The following LMBR1 variants were observed in gnomAD, a reference collection of about 807,000 sequenced individuals.
LMBR1 encodes limb development membrane protein 1, also known as limb region 1 protein homolog.
Under a neutral mutation model 73.9 loss-of-function variants are expected in LMBR1, and 52 were observed. That is an observed-to-expected ratio of 0.70 (90% CI 0.56 to 0.89). The LOEUF (loss-of-function observed/expected upper bound fraction) is 0.89, where lower values mean the gene tolerates loss of function less well. Ranked by LOEUF, LMBR1 falls within the 40% of genes least tolerant of loss-of-function variation. The probability of loss-of-function intolerance (pLI) is 0.00; values close to 1 mark genes in which losing one functional copy is unlikely to be tolerated. For missense variants in LMBR1, 539 were observed against 579.8 expected (o/e 0.93, Z 0.72); for synonymous variants, 215 against 209.4 (o/e 1.03, Z -0.23).
At chr7:156,690,046 C>A (rs1806840524) in intron 15 of LMBR1, among the ~76,000 whole-genome samples, 1 of 152,082 alleles carries the variant, frequency 6.6e-6, no homozygotes, top group Admixed American at 6.5e-5. Context: ...ACACAGACAC[C>A]CAAATTTTAC....
Position 156,796,373 on chromosome 7 carries a change from T to A in LMBR1, c.423+16A>T, listed in dbSNP as rs778189175. The A allele has an allele frequency of 6.5e-7, 1 of 1,545,278 alleles. No individual in the cohort carries two copies. Among genetic ancestry groups the A allele is most frequent in the Admixed American group, 1.8e-5 (1 of 55,132 alleles). On this transcript the variant is annotated intron_variant, in intron 5 of 16. Transcript: ENST00000353442. ...CCTCACTTAACCAATTTAATTCCAA[T>A]ACTAGATTCACTTACCTTTTTCAGG... is the stretch of plus-strand genomic sequence containing the variant.
intron 1 of LMBR1, among the ~76,000 whole-genome samples, chr7:156,871,201 A>T (rs1014410814): frequency 6.6e-6 from 1 of 152,186 alleles, no homozygotes; most frequent in Admixed American, 6.5e-5. Flanking sequence ...GAAATGAATA[A>T]ATTCCTAGAA....
At chr7:156,725,595 A>T in intron 13 of LMBR1, 70 bp from the exon 14 acceptor site, 1 of 1,292,552 alleles carries the variant, frequency 7.7e-7, no homozygotes, top group African/African-American at 1.5e-5. Flanking sequence ...GTCTCCAAAA[A>T]GTCTTAAGGC....
intron 9 of LMBR1, among the ~76,000 whole-genome samples, chr7:156,752,214 C>G (rs1821033863): frequency 6.6e-6 from 1 of 152,152 alleles, no homozygotes; most frequent in African/African-American, 2.4e-5. Flanking sequence ...TTTCATAGAA[C>G]AGTGGAAGCA....
At chr7:156,676,946 G>A (rs1378903108), downstream of LMBR1, 1 of 333,820 alleles carries the variant, frequency 3.0e-6, no homozygotes, top group Non-Finnish European at 5.6e-6. Context: ...GATATAGCTA[G>A]TGTCTGAACG....
intron 16 of LMBR1, 60 bp downstream of exon 16, chr7:156,687,970 C>T (rs1298066444): frequency 7.0e-7 from 1 of 1,418,630 alleles, no homozygotes; most frequent in African/African-American, 1.5e-5. Context: ...GTAATATTAA[C>T]TCAAATGTCA....
intron 15 of LMBR1, 134 bp downstream of exon 15, chr7:156,723,978 T>A: frequency 1.6e-6 from 1 of 631,230 alleles, no homozygotes; most frequent in East Asian, 2.8e-5. Flanking sequence ...AGTATAGAAG[T>A]AAAAGTGTAA....
intron 2 of LMBR1, among the ~76,000 whole-genome samples, chr7:156,836,334 G>T (rs11762776): frequency 0.1 from 15,654 of 152,106 alleles, 1,132 homozygotes; most frequent in East Asian, 0.29. Flanking sequence ...AAAGAGTAAA[G>T]ATATGGTAGT....
At chr7:156,757,711 T>A (rs1197472136) in intron 8 of LMBR1, among the ~76,000 whole-genome samples, 1 of 152,178 alleles carries the variant, frequency 6.6e-6, no homozygotes, top group East Asian at 1.9e-4. Flanking sequence ...CATATATACA[T>A]CTCCTTTCAG....
chr7:156,687,641 A>G (rs1038147065), intron 16 of LMBR1, among the ~76,000 whole-genome samples: 2 of 152,222 alleles, frequency 1.3e-5, no homozygotes, highest in African/African-American at 4.8e-5. Flanking sequence ...TCCAAGCCTC[A>G]AAAAAGCTTT....
In LMBR1 at chr7:156,704,071, G is replaced by A. The variant is rs1489574308; in HGVS notation, c.1226-15880C>T. Reference sequence around the variant, plus strand: ...TGCCACCCTGGGTTACAAGGGGGCTGAGGGCCCACTTACCCATTCAGCATA... The same window carrying A: ...TGCCACCCTGGGTTACAAGGGGGCTAAGGGCCCACTTACCCATTCAGCATA... On this transcript the variant is annotated intron_variant, in intron 15 of 16. Coordinates refer to ENST00000353442, the MANE Select transcript of LMBR1 (RefSeq NM_022458.4). Among the ~76,000 whole-genome samples, 3 of 152,106 alleles carry A rather than the reference G, an allele frequency of 2.0e-5. No individual in the cohort carries two copies. The East Asian group carries it at 5.8e-4, about 29-fold the overall frequency.
intron 4 of LMBR1, among the ~76,000 whole-genome samples, chr7:156,803,694 G>A (rs1172030513): frequency 2.0e-5 from 3 of 151,932 alleles, no homozygotes; most frequent in Admixed American, 1.3e-4. Flanking sequence ...ACATGCACAC[G>A]TATGTTTATT....
intron 5 of LMBR1, among the ~76,000 whole-genome samples, chr7:156,794,453 T>G (rs1213774349): frequency 6.6e-6 from 1 of 152,168 alleles, no homozygotes; most frequent in Non-Finnish European, 1.5e-5. Flanking sequence ...TTGTCATTTT[T>G]TTCTTTTTTA....
chr7:156,691,798 CT>C (rs1164018612), intron 15 of LMBR1, among the ~76,000 whole-genome samples: 1 of 151,938 alleles, frequency 6.6e-6, no homozygotes, highest in Non-Finnish European at 1.5e-5. Flanking sequence ...GATTAGCATA[CT>C]TTTTTCCTTC....
chr7:156,860,161 C>T (rs543305401), intron 1 of LMBR1, among the ~76,000 whole-genome samples: 9 of 152,220 alleles, frequency 5.9e-5, no homozygotes, highest in Middle Eastern at 3.4e-3. Flanking sequence ...TTCACACTGC[C>T]GATAAAGACA....
chr7:156,690,237 T>C lies in LMBR1; in HGVS notation c.1226-2046A>G, dbSNP rs77847101. Among the ~76,000 whole-genome samples the C allele has an allele frequency of 3.3e-3, 509 of 152,350 alleles. 6 individuals carry two copies. The highest frequency in any genetic ancestry group is 0.011 in the African/African-American group (473 of 41,578). On this transcript the variant is annotated intron_variant, in intron 15 of 16. Coordinates refer to ENST00000353442, the MANE Select transcript of LMBR1 (RefSeq NM_022458.4). The stretch of plus-strand genomic sequence containing the variant: ...TATTTAATTATTTATAAGCTACATA[T>C]ATACTATTCAATGACATATACAGAC...
At chr7:156,676,257 G>GTA (rs879194369), downstream of LMBR1, 7 of 1,430,384 alleles carry the variant, frequency 4.9e-6, no homozygotes, top group East Asian at 5.0e-5. Flanking sequence ...ATATATATAT[G>GTA]TATATATATA....
intron 7 of LMBR1, 68 bp downstream of exon 7, chr7:156,763,040 T>G (rs915108478): frequency 1.2e-6 from 1 of 816,578 alleles, no homozygotes; most frequent in African/African-American, 1.8e-5. Context: ...ATCAGAAAAC[T>G]TCCCTGAATT....
intron 4 of LMBR1, among the ~76,000 whole-genome samples, chr7:156,817,727 T>C (rs1834150238): frequency 1.3e-5 from 2 of 152,198 alleles, no homozygotes; most frequent in South Asian, 4.1e-4. Context: ...AAAAAATGCA[T>C]ATCATAAAAT....
Sources: allele counts gnomAD v4.1 joint callset (sites outside exome capture counted in the v4.1 genomes callset), GRCh38; gene constraint gnomAD v4.1.1; transcripts MANE v1.5; gene names NCBI Gene and HGNC (gene_info 2026-07-23, HGNC 2026-07-21).